Variants in SLC8A1 observed in about 807,000 individuals in gnomAD.
The protein encoded by SLC8A1 is sodium/calcium exchanger 1.
SLC8A1 carries 18 observed loss-of-function variants against 68.3 expected under a neutral mutation model. The observed-to-expected ratio is 0.26, with a 90% CI of 0.18 to 0.39. The LOEUF (loss-of-function observed/expected upper bound fraction) is 0.39, where lower values mean the gene tolerates loss of function less well. SLC8A1 is among the 10% of genes least tolerant of loss of function. SLC8A1 has a pLI of 1.00. For missense variants in SLC8A1, 985 were observed against 1,156.7 expected (o/e 0.85, Z 2.15); for synonymous variants, 475 against 415.5 (o/e 1.14, Z -1.74).
chr2:40,279,328 A>C lies in SLC8A1; in HGVS notation c.1809-101473T>G, dbSNP rs146492829. ...CACAGGGCACTTGGACAATTTAGCA[A>C]TAATCTATAATACAGATTTTTGAAA... On this transcript the variant is annotated intron_variant, in intron 2 of 7. Coordinates refer to ENST00000406785, the Ensembl canonical transcript of SLC8A1. Among the ~76,000 whole-genome samples, 474 of 152,370 alleles carry C rather than the reference A, an allele frequency of 3.1e-3. 4 individuals are homozygous for C. The highest frequency in any genetic ancestry group is 9.9e-3 in the African/African-American group (412 of 41,600).
chr2:40,298,574 G>A (rs1357098741), intron 2 of SLC8A1, among the ~76,000 whole-genome samples: 1 of 152,108 alleles, frequency 6.6e-6, no homozygotes, highest in African/African-American at 2.4e-5. Flanking sequence ...TGTCCCTCAA[G>A]CTGATGAATT....
chr2:40,258,304 G>C (rs1439874810), intron 2 of SLC8A1, among the ~76,000 whole-genome samples: 2 of 152,138 alleles, frequency 1.3e-5, no homozygotes, highest in Admixed American at 6.5e-5. Context: ...GTGAGTGCTG[G>C]CATGCCAAGA....
chr2:40,226,230 A>G (rs1035420325), intron 2 of SLC8A1, among the ~76,000 whole-genome samples: 62 of 152,266 alleles, frequency 4.1e-4, no homozygotes, highest in Admixed American at 1.4e-3. Flanking sequence ...CATTATTGCA[A>G]TGTAATTACT....
chr2:40,465,019 G>C (rs990821098), intron 1 of SLC8A1, among the ~76,000 whole-genome samples: 3 of 152,176 alleles, frequency 2.0e-5, no homozygotes, highest in Non-Finnish European at 4.4e-5. Context: ...TAGAAGCACA[G>C]AGGAAAAAGG....
chr2:40,185,509 G>C (rs192019957), intron 2 of SLC8A1, among the ~76,000 whole-genome samples: 78 of 152,220 alleles, frequency 5.1e-4, no homozygotes, highest in African/African-American at 1.8e-3. Flanking sequence ...CATGTTGTGT[G>C]ATTACATGTT....
intron 2 of SLC8A1, among the ~76,000 whole-genome samples, chr2:40,347,814 T>G (rs1575590286): frequency 6.6e-6 from 1 of 152,194 alleles, no homozygotes; most frequent in South Asian, 2.1e-4. Context: ...TAAAGCAAGA[T>G]TTCTCTAATT....
chr2:40,367,902 G>T (rs1033869613), intron 2 of SLC8A1, among the ~76,000 whole-genome samples: 1 of 152,000 alleles, frequency 6.6e-6, no homozygotes, highest in East Asian at 1.9e-4. Flanking sequence ...TAGCATGCCA[G>T]GTCTTCCATA....
intron 1 of SLC8A1, among the ~76,000 whole-genome samples, chr2:40,440,778 T>A (rs963362456): frequency 3.9e-5 from 6 of 152,150 alleles, no homozygotes; most frequent in Non-Finnish European, 5.9e-5. Flanking sequence ...ATGGGACATC[T>A]CAAAATAATA....
At chr2:40,302,054 T>TGTGG (rs1010701457) in intron 2 of SLC8A1, among the ~76,000 whole-genome samples, 3 of 150,994 alleles carry the variant, frequency 2.0e-5, no homozygotes, top group Admixed American at 6.6e-5. Context: ...TGTGTGTGTG[T>TGTGG]GTGTGTGTGT....
chr2:40,230,912 A>C (rs1214033850), intron 2 of SLC8A1, among the ~76,000 whole-genome samples: 1 of 152,178 alleles, frequency 6.6e-6, no homozygotes, highest in African/African-American at 2.4e-5. Context: ...GGAAAGCAGA[A>C]ATAGTGGGTG....
intron 1 of SLC8A1, among the ~76,000 whole-genome samples, chr2:40,508,138 A>C (rs1208326569): frequency 6.6e-6 from 1 of 152,180 alleles, no homozygotes; most frequent in African/African-American, 2.4e-5. Flanking sequence ...AAGGAACTAG[A>C]GTTCTAATGA....
intron 2 of SLC8A1, among the ~76,000 whole-genome samples, chr2:40,276,706 C>T (rs1385440771): frequency 1.3e-5 from 2 of 152,176 alleles, no homozygotes; most frequent in Non-Finnish European, 2.9e-5. Flanking sequence ...AAACTATCAC[C>T]TCTTTAATCT....
At chr2:40,308,757 G>C (rs1005749784) in intron 2 of SLC8A1, among the ~76,000 whole-genome samples, 1 of 152,164 alleles carries the variant, frequency 6.6e-6, no homozygotes, top group African/African-American at 2.4e-5. Context: ...AGACGCCATG[G>C]AGATCAGACA....
In SLC8A1 at chr2:40,505,773, C is replaced by T. The variant is rs141847013; in HGVS notation, c.-25+6576G>A. On this transcript the variant is annotated intron_variant, in intron 1 of 7. Coordinates refer to the SLC8A1 transcript ENST00000402441. The stretch of plus-strand genomic sequence containing the variant: ...GGAGTACTGGTGTTAAAGATGTCAA[C>T]GGAGCTTAAATAGGCATTCTGTAAG... Among the ~76,000 whole-genome samples the T allele has an allele frequency of 4.1e-3, 629 of 152,052 alleles. 6 individuals are homozygous for T. Among genetic ancestry groups the T allele is most frequent in the African/African-American group, 0.014 (574 of 41,510 alleles).
At chr2:40,490,177 T>C (rs746826688) in intron 1 of SLC8A1, among the ~76,000 whole-genome samples, 21 of 152,226 alleles carry the variant, frequency 1.4e-4, no homozygotes, top group African/African-American at 3.9e-4. Flanking sequence ...CATCAATCAT[T>C]TGGAATATAC....
chr2:40,104,869 T>G (rs952279208), exon 8 of SLC8A1: 1 of 151,840 alleles, frequency 6.6e-6, no homozygotes, highest in African/African-American at 2.4e-5. Flanking sequence ...ATTTTTTGCT[T>G]TTTTTTTGGT....
exon 8 of SLC8A1, chr2:40,100,968 C>T (rs1368554775): frequency 6.6e-6 from 1 of 152,140 alleles, no homozygotes; most frequent in African/African-American, 2.4e-5. Context: ...CCTCCTTTTA[C>T]ATACTTTGAA....
At chr2:40,379,057 C>A (rs1321769332) in intron 2 of SLC8A1, among the ~76,000 whole-genome samples, 1 of 152,100 alleles carries the variant, frequency 6.6e-6, no homozygotes, top group Admixed American at 6.6e-5. Context: ...TGTTTTACCG[C>A]CAGTTTCCAG....
chr2:40,406,881 G>A (rs1169887500), intron 2 of SLC8A1, among the ~76,000 whole-genome samples: 4 of 152,116 alleles, frequency 2.6e-5, no homozygotes, highest in Admixed American at 2.0e-4. Flanking sequence ...CCCTATCTAC[G>A]TCACATGCAT....
Sources: gnomAD v4.1 joint callset for allele counts (sites outside exome capture counted in the v4.1 genomes callset) on GRCh38, gnomAD v4.1.1 for gene constraint, MANE v1.5 for transcripts, NCBI Gene and HGNC (gene_info 2026-07-23, HGNC 2026-07-21) for gene names.